ANTXR2: variants seen among roughly 807,000 people sequenced by gnomAD.
ANTXR2 encodes the protein anthrax toxin receptor 2.
A neutral mutation model predicts 73.7 loss-of-function variants in ANTXR2; 44 were observed. The observed-to-expected ratio is 0.60, with a 90% CI of 0.47 to 0.77. The LOEUF (loss-of-function observed/expected upper bound fraction) is 0.77. Ranked by LOEUF, ANTXR2 falls within the 30% of genes least tolerant of loss-of-function variation. The pLI, the probability that ANTXR2 is intolerant of heterozygous loss-of-function variation, is 0.00. For missense variants in ANTXR2, 604 were observed against 592.5 expected, an observed-to-expected ratio of 1.02 and a Z score of -0.20; for synonymous variants, 217 against 205.9, an observed-to-expected ratio of 1.05 and a Z score of -0.46.
At chr4:80,040,335 A>C (rs1444701273) in intron 7 of ANTXR2, among the ~76,000 whole-genome samples, 1 of 152,110 alleles carries the variant, frequency 6.6e-6, no homozygotes, top group East Asian at 1.9e-4. Flanking sequence ...TTATATTAAA[A>C]CTGTCATCTC....
At chr4:80,021,797 G>A (rs573254303) in intron 10 of ANTXR2, among the ~76,000 whole-genome samples, 5 of 151,674 alleles carry the variant, frequency 3.3e-5, no homozygotes, top group South Asian at 2.1e-4. Flanking sequence ...TTAATTCTCC[G>A]CAGATATAGA....
chr4:79,987,246 G>C (rs759729827), intron 12 of ANTXR2, among the ~76,000 whole-genome samples: 9 of 144,262 alleles, frequency 6.2e-5, no homozygotes, highest in East Asian at 2.0e-4. Context: ...AACGATAGAA[G>C]AGCTGGAAAA....
rs1726698132 is a variant in ANTXR2, at chr4:79,901,452, C to G, written c.*5977G>C. ...TTGGCATCTAAATTGTTTAAAATCA[C>G]CTTGCCTTTTAGTTCATGGAGACAA... On this transcript the variant is annotated 3_prime_UTR_variant, in exon 17 of 17. Transcript: ENST00000403729. 1 of 151,638 alleles carries G rather than the reference C, an allele frequency of 6.6e-6. No individual in the cohort carries two copies. Among genetic ancestry groups the G allele is most frequent in the Non-Finnish European group, 1.5e-5 (1 of 67,950 alleles). 9.4% of individuals were successfully genotyped at this position (151,638 alleles called of 1,614,324 possible).
chr4:79,963,669 C>T lies in ANTXR2; in HGVS notation c.1428+13952G>A, dbSNP rs188375578. ...CTCAAGAAAGGGAGCCTAAATTTTA[C>T]GAATGATAATATTTTACGTTACTAT... On this transcript the variant is annotated intron_variant, in intron 16 of 16. Transcript: ENST00000403729. Among the ~76,000 whole-genome samples the T allele has an allele frequency of 1.1e-4, 16 of 152,196 alleles. No individual in the cohort carries two copies. In the South Asian group the frequency reaches 2.3e-3, roughly 22 times the overall value.
chr4:79,984,761 T>C (rs1413711194), intron 13 of ANTXR2, 58 bp downstream of exon 13: 3 of 1,420,750 alleles, frequency 2.1e-6, no homozygotes, highest in East Asian at 4.7e-5. Flanking sequence ...AATTTGGGCA[T>C]GGTATCTGCA....
chr4:79,959,987 C>A (rs571798540), intron 16 of ANTXR2, among the ~76,000 whole-genome samples: 19 of 152,234 alleles, frequency 1.2e-4, no homozygotes, highest in African/African-American at 4.1e-4. Flanking sequence ...CCTCTTTACT[C>A]CAGAAATTTA....
At chr4:80,055,247 A>G in intron 5 of ANTXR2, 29 bp from the exon 6 acceptor site, 1 of 1,555,854 alleles carries the variant, frequency 6.4e-7, no homozygotes, top group Non-Finnish European at 8.7e-7. Flanking sequence ...GAAAGAGAGA[A>G]AAAAAGAGAG....
At position 79,902,144 on chromosome 4, in the gene ANTXR2, A is replaced by AAATAG; in HGVS notation, c.*5284_*5285insCTATT. 9 of 152,282 alleles carry AAATAG rather than the reference A, an allele frequency of 5.9e-5. No individual in the cohort carries two copies. Among genetic ancestry groups the AAATAG allele is most frequent in the Admixed American group, 1.3e-4 (2 of 15,290 alleles). The allele number at this position is 152,282 out of a possible 1,614,324, so 9.4% of individuals were successfully genotyped here. On this transcript the variant is annotated 3_prime_UTR_variant, in exon 17 of 17. Coordinates refer to ENST00000403729, the MANE Select transcript of ANTXR2 (RefSeq NM_058172.6). ...AATTTATTTTGGATCACCCACTGACATTTACAATGTTGTAAATATAATTCA... is the reference window on the plus strand; with the variant it reads ...AATTTATTTTGGATCACCCACTGACAAATAGTTTACAATGTTGTAAATATAATTCA...
intron 3 of ANTXR2, among the ~76,000 whole-genome samples, chr4:80,069,127 T>C (rs1734661051): frequency 6.6e-6 from 1 of 152,104 alleles, no homozygotes; most frequent in African/African-American, 2.4e-5. Flanking sequence ...ATATTATATC[T>C]AAACAAGAAA....
intron 3 of ANTXR2, among the ~76,000 whole-genome samples, chr4:80,067,944 C>A (rs1296233040): frequency 6.6e-6 from 1 of 152,134 alleles, no homozygotes; most frequent in African/African-American, 2.4e-5. Context: ...ACCTATGTAA[C>A]AAACCTGCAT....
At position 79,903,427 on chromosome 4, in the gene ANTXR2, G is replaced by C. The variant is rs1046938345; in HGVS notation, c.*4002C>G. The C allele has an allele frequency of 6.6e-6, 1 of 151,476 alleles. No homozygotes were observed. The highest frequency in any genetic ancestry group is 2.4e-5 in the African/African-American group (1 of 41,148). The allele number at this position is 151,476 out of a possible 1,614,324, so 9.4% of individuals were successfully genotyped here. On this transcript the variant is annotated 3_prime_UTR_variant, in exon 17 of 17. Coordinates refer to ENST00000403729, the MANE Select transcript of ANTXR2 (RefSeq NM_058172.6). Reference sequence around the variant, plus strand: ...AGTTATTGTAGAGCAATCTAAACAAGCATATTTTTATACAAATTTACATGT... The same window carrying C: ...AGTTATTGTAGAGCAATCTAAACAACCATATTTTTATACAAATTTACATGT...
chr4:79,956,097 G>C (rs540090819), intron 16 of ANTXR2, among the ~76,000 whole-genome samples: 45 of 152,206 alleles, frequency 3.0e-4, no homozygotes, highest in Non-Finnish European at 3.5e-4. Context: ...GGTTTCTTGT[G>C]ATGTAAAAAT....
chr4:80,039,382 C>A (rs1207802659), intron 7 of ANTXR2, among the ~76,000 whole-genome samples: 1 of 152,010 alleles, frequency 6.6e-6, no homozygotes, highest in African/African-American at 2.4e-5. Context: ...ATAGTTTGCA[C>A]CATAAGTTTT....
At chr4:80,056,036 G>A in intron 3 of ANTXR2, 23 bp from the exon 4 acceptor site, 3 of 1,463,430 alleles carry the variant, frequency 2.0e-6, no homozygotes, top group Admixed American at 5.0e-5. Context: ...TTAAACAAAA[G>A]AAAAAATGAG....
rs767627838 is a variant in ANTXR2 at position 80,072,547 on chromosome 4, C to G, written c.14G>C (p.Arg5Pro). The change falls in exon 1 of 17, where the codon CGG becomes CCG. Residue 5 changes from arginine (R) to proline (P), a missense_variant. Physicochemically the swap from Arg to Pro is moderately radical, Grantham distance 103 (BLOSUM62 -2). Coordinates refer to ENST00000403729, the MANE Select transcript of ANTXR2 (RefSeq NM_058172.6). Reference protein sequence around the residue: MVAERSPARSPGSWL... With the variant: MVAEPSPARSPGSWL... ...GCTCCCGGGGCTGCGGGCCGGGGAC[C>G]GCTCCGCCACCATCCTGCGGCCGGG... The G allele has an allele frequency of 1.3e-6, 2 of 1,573,100 alleles. No homozygotes were observed. The highest frequency in any genetic ancestry group is 1.7e-6 in the Non-Finnish European group (2 of 1,161,388).
rs577005175 is a variant in ANTXR2 at position 80,038,755 on chromosome 4, A to C, written c.637-2723T>G. Among the ~76,000 whole-genome samples, 7 of 152,238 alleles carry C rather than the reference A, an allele frequency of 4.6e-5. No homozygotes were observed. In the East Asian group the frequency reaches 1.2e-3, roughly 25 times the overall value. On this transcript the variant is annotated intron_variant, in intron 7 of 16. Coordinates refer to ENST00000403729, the MANE Select transcript of ANTXR2 (RefSeq NM_058172.6). ...GTAACACATTCATTGAAAAGCAAATAGTGAGAGCACAAGTCATAACATTGG... is the reference window on the plus strand; with the variant it reads ...GTAACACATTCATTGAAAAGCAAATCGTGAGAGCACAAGTCATAACATTGG...
rs1263359323 is a variant in ANTXR2 at position 80,015,888 on chromosome 4, AAGG to A, written c.945+3007_945+3009del. Among the ~76,000 whole-genome samples, 14 of 75,358 alleles carry A rather than the reference AAGG, an allele frequency of 1.9e-4. No individual in the cohort carries two copies. In the East Asian group the frequency reaches 2.3e-3, roughly 12 times the overall value. The allele number at this position is 75,358 out of a possible 152,430, so 49.4% of individuals were successfully genotyped here. ...AAGGAAAGGAAAGGAAAGGAAAGGA[AAGG>A]AAAGGAAAGGAAAGGAAAGGAAAGG... On this transcript the variant is annotated intron_variant, in intron 11 of 16. Coordinates refer to ENST00000403729, the MANE Select transcript of ANTXR2 (RefSeq NM_058172.6).
intron 16 of ANTXR2, among the ~76,000 whole-genome samples, chr4:79,932,372 T>A (rs773531165): frequency 6.6e-6 from 1 of 152,148 alleles, no homozygotes; most frequent in Admixed American, 6.5e-5. Flanking sequence ...TAAGCATGCA[T>A]GTTTTGTTAA....
intron 11 of ANTXR2, 139 bp downstream of exon 11, chr4:80,018,759 A>G: frequency 1.4e-6 from 1 of 697,064 alleles, no homozygotes; most frequent in Non-Finnish European, 2.3e-6. Context: ...AATTCTATAC[A>G]AAATTTTTCC....
Sources: allele counts gnomAD v4.1 joint callset (sites outside exome capture counted in the v4.1 genomes callset), GRCh38; gene constraint gnomAD v4.1.1; transcripts MANE v1.5; gene names NCBI Gene and HGNC (gene_info 2026-07-23, HGNC 2026-07-21).